Variants in ERI1 observed in about 807,000 individuals in gnomAD.
ERI1 encodes the protein 3'-5' exoribonuclease 1.
A neutral mutation model predicts 39.7 loss-of-function variants in ERI1; 39 were observed. The ratio of observed to expected loss-of-function variants is 0.98; its 90% CI spans 0.76 to 1.28. The LOEUF is 1.28. Ranked by LOEUF, ERI1 falls within the 50% of genes most tolerant of loss-of-function variation. The pLI is 0.00. For synonymous variants in ERI1, 204 were observed against 149.6 expected (o/e 1.36, Z -2.65); for missense variants, 581 against 416.9 (o/e 1.39, Z -3.43).
intron 3 of ERI1, among the ~76,000 whole-genome samples, chr8:9,013,007 A>G (rs1328212519): frequency 1.4e-5 from 2 of 147,498 alleles, no homozygotes; most frequent in African/African-American, 5.2e-5. Flanking sequence ...TCCTGGCAAA[A>G]TTGACCATTC....
rs1817292449 is a variant in ERI1 at position 9,016,390 on chromosome 8, A to C, written c.567A>C (p.Leu189=). The C allele has an allele frequency of 6.2e-7, 1 of 1,603,094 alleles. No individual in the cohort carries two copies. The highest frequency in any genetic ancestry group is 8.5e-7 in the Non-Finnish European group (1 of 1,172,978). ...NTQLSDFCIS[L]TGITQDQVDR... is the part of the protein sequence containing the mutation. Reference sequence around the variant, plus strand: ...AGCTGTCTGATTTCTGCATCAGTCTAACTGGAATTACTCAGGTTATAATTC... The same window carrying C: ...AGCTGTCTGATTTCTGCATCAGTCTCACTGGAATTACTCAGGTTATAATTC... Residue 189 remains leucine (L), a synonymous_variant, in exon 4 of 7, where the codon CTA becomes CTC. Transcript: ENST00000250263.
At chr8:9,068,244 G>A (rs758421499) in intron 3 of ERI1, among the ~76,000 whole-genome samples, 6 of 152,086 alleles carry the variant, frequency 3.9e-5, no homozygotes, top group Admixed American at 2.6e-4. Flanking sequence ...TGGAAATCTC[G>A]CCCAACACCT....
intron 3 of ERI1, among the ~76,000 whole-genome samples, chr8:9,095,368 A>G (rs553264484): frequency 1.3e-5 from 2 of 152,068 alleles, no homozygotes; most frequent in African/African-American, 2.4e-5. Context: ...ACCTCTCCCT[A>G]CTTGGAGTCC....
Position 9,060,254 on chromosome 8 carries a change from G to A in ERI1, n.299+39790G>A, listed in dbSNP as rs551990394. Among the ~76,000 whole-genome samples, 27 of 152,284 alleles carry A rather than the reference G, an allele frequency of 1.8e-4. 1 individual carries two copies. In the East Asian group the frequency reaches 5.0e-3, roughly 28 times the overall value. The stretch of plus-strand genomic sequence containing the variant: ...AAGGCCAAACCGAGGAATTATGTCT[G>A]ACAGAAGGGAAGAAATGACCGCGGT... On this transcript the variant is annotated intron_variant and non_coding_transcript_variant, in intron 3 of 3. Transcript: ENST00000518663.
At chr8:9,066,997 G>A (rs772590350) in intron 3 of ERI1, among the ~76,000 whole-genome samples, 5 of 152,260 alleles carry the variant, frequency 3.3e-5, no homozygotes, top group African/African-American at 7.2e-5. Flanking sequence ...AAGATTTGAC[G>A]GCTGCCTATT....
At chr8:9,086,588 T>C (rs752402811) in intron 3 of ERI1, among the ~76,000 whole-genome samples, 1 of 152,114 alleles carries the variant, frequency 6.6e-6, no homozygotes, top group African/African-American at 2.4e-5. Flanking sequence ...GTTTGACCCA[T>C]AGTTTGACTC....
intron 1 of ERI1, among the ~76,000 whole-genome samples, chr8:9,003,835 A>G (rs1815647395): frequency 1.3e-5 from 2 of 152,226 alleles, no homozygotes; most frequent in African/African-American, 2.4e-5. Context: ...TCTTTTCCTA[A>G]TAATAAACAT....
At chr8:9,074,733 C>T (rs1799154899) in intron 3 of ERI1, among the ~76,000 whole-genome samples, 1 of 152,200 alleles carries the variant, frequency 6.6e-6, no homozygotes, top group South Asian at 2.1e-4. Flanking sequence ...CTGCGCCCAG[C>T]CAGTACTTTA....
At chr8:9,055,364 C>G (rs1175171351) in intron 3 of ERI1, among the ~76,000 whole-genome samples, 2 of 152,226 alleles carry the variant, frequency 1.3e-5, no homozygotes, top group African/African-American at 2.4e-5. Context: ...AAGGAGAGAG[C>G]TTTAAGCCAA....
intron 3 of ERI1, among the ~76,000 whole-genome samples, chr8:9,099,267 A>G (rs975307184): frequency 2.0e-5 from 3 of 151,852 alleles, no homozygotes; most frequent in African/African-American, 4.9e-5. Context: ...TTGAACTCCA[A>G]TGCTACTGAT....
At chr8:9,098,036 C>T (rs985152543) in intron 3 of ERI1, among the ~76,000 whole-genome samples, 10 of 152,300 alleles carry the variant, frequency 6.6e-5, no homozygotes, top group Non-Finnish European at 1.2e-4. Context: ...AACCAAACAT[C>T]GCATGTTCTC....
At chr8:9,007,100 G>C (rs976983580) in intron 1 of ERI1, among the ~76,000 whole-genome samples, 2 of 152,120 alleles carry the variant, frequency 1.3e-5, no homozygotes, top group African/African-American at 4.8e-5. Context: ...TGAATCTTTG[G>C]AACTTAACAT....
At chr8:9,059,160 T>C (rs1391444552) in intron 3 of ERI1, among the ~76,000 whole-genome samples, 3 of 152,104 alleles carry the variant, frequency 2.0e-5, no homozygotes, top group Non-Finnish European at 4.4e-5. Context: ...AGAAGGAATT[T>C]CACAAGACAA....
At chr8:9,079,881 G>A (rs1040402240) in intron 3 of ERI1, among the ~76,000 whole-genome samples, 2 of 151,938 alleles carry the variant, frequency 1.3e-5, no homozygotes, top group African/African-American at 4.8e-5. Context: ...ATGTTGCCCA[G>A]GCTGGTCTTG....
chr8:9,081,146 G>C (rs13274593), intron 3 of ERI1, among the ~76,000 whole-genome samples: 3 of 151,976 alleles, frequency 2.0e-5, no homozygotes, highest in Admixed American at 2.0e-4. Context: ...CAGATCTCTT[G>C]AGAACCCACT....
At chr8:9,093,758 G>A (rs557559243) in intron 3 of ERI1, among the ~76,000 whole-genome samples, 1 of 152,166 alleles carries the variant, frequency 6.6e-6, no homozygotes, top group South Asian at 2.1e-4. Context: ...TGTATTTTTA[G>A]TAGAGATGGA....
chr8:9,052,398 C>G (rs1431610293), intron 3 of ERI1, among the ~76,000 whole-genome samples: 1 of 152,100 alleles, frequency 6.6e-6, no homozygotes, highest in African/African-American at 2.4e-5. Context: ...ACAAACTCCA[C>G]TAGTTTGAGA....
intron 2 of ERI1, chr8:9,009,055 A>G (rs1816382481): frequency 2.2e-6 from 1 of 456,086 alleles, no homozygotes. Context: ...CCTACAGAAG[A>G]TTTTCCGAGC....
At chr8:9,087,982 C>T (rs556231376) in intron 3 of ERI1, among the ~76,000 whole-genome samples, 2 of 152,276 alleles carry the variant, frequency 1.3e-5, no homozygotes, top group African/African-American at 4.8e-5. Flanking sequence ...CATCACATTC[C>T]TGGCAGATTT....
Sources: gnomAD v4.1 joint callset for allele counts (sites outside exome capture counted in the v4.1 genomes callset) on GRCh38, gnomAD v4.1.1 for gene constraint, MANE v1.5 for transcripts, NCBI Gene and HGNC (gene_info 2026-07-23, HGNC 2026-07-21) for gene names.